CEACAM16: variants seen among roughly 807,000 people sequenced by gnomAD.
The protein encoded by CEACAM16 is CEA cell adhesion molecule 16, tectorial membrane component, also known as cell adhesion molecule CEACAM16.
In CEACAM16, 30 loss-of-function variants were observed where a neutral mutation model predicts 39.4. The ratio of observed to expected loss-of-function variants is 0.76; its 90% CI spans 0.57 to 1.03. The LOEUF is 1.03. Among genes scored for constraint, CEACAM16 ranks in the 50% least tolerant of loss-of-function variants. CEACAM16 has a pLI of 0.00. For synonymous variants in CEACAM16, 262 were observed against 264.9 expected, an observed-to-expected ratio of 0.99 and a Z score of 0.11; for missense variants, 521 against 585.3, an observed-to-expected ratio of 0.89 and a Z score of 1.13.
In CEACAM16 at chr19:44,710,481, C is replaced by G; in HGVS notation, c.1268-15C>G. Reference sequence around the variant, plus strand: ...TGACATCCTCCTTCGCCCCCTCGCCCCATATGCCCCACAGCCCTGGGGTAA... The same window carrying G: ...TGACATCCTCCTTCGCCCCCTCGCCGCATATGCCCCACAGCCCTGGGGTAA... On this transcript the variant is annotated splice_polypyrimidine_tract_variant and intron_variant, in intron 6 of 6. Transcript: ENST00000587331. 2 of 1,611,868 alleles carry G rather than the reference C, an allele frequency of 1.2e-6. No individual in the cohort carries two copies. Among genetic ancestry groups the G allele is most frequent in the Non-Finnish European group, 1.7e-6 (2 of 1,178,526 alleles).
At position 44,707,973 on chromosome 19, in the gene CEACAM16, C is replaced by T; in HGVS notation, c.1053C>T (p.Tyr351=). The part of the protein sequence containing the change: ...YPKDLLVYAW[Y]RGPASEPNRL... Reference sequence around the variant, plus strand: ...AGGACCTGCTGGTCTACGCCTGGTACCGCGGGCCTGCCTCCGAGCCCAACC... The same window carrying T: ...AGGACCTGCTGGTCTACGCCTGGTATCGCGGGCCTGCCTCCGAGCCCAACC... Residue 351 remains tyrosine (Y), a synonymous_variant, in exon 6 of 7, where the codon TAC becomes TAT. Coordinates refer to ENST00000587331, the MANE Select transcript of CEACAM16 (RefSeq NM_001039213.4). 6.2e-7 allele frequency: 1 copy of T among 1,604,200 alleles called. No homozygotes were observed. Among genetic ancestry groups the T allele is most frequent in the Non-Finnish European group, 8.5e-7 (1 of 1,175,932 alleles).
In CEACAM16 at chr19:44,705,736, G is replaced by C; in HGVS notation, c.808G>C (p.Ala270Pro). The change falls in exon 5 of 7, where the codon GCC becomes CCC. Residue 270 changes from alanine (A) to proline (P), a missense_variant. By Grantham distance (27) the Ala-to-Pro change is conservative (BLOSUM62 -1). Coordinates refer to ENST00000587331, the MANE Select transcript of CEACAM16 (RefSeq NM_001039213.4). ...PEYVWTFNGQ[A>P]LKNGQDHLNI... is the part of the protein sequence containing the mutation. The stretch of plus-strand genomic sequence containing the variant: ...GTATGTGTGGACCTTCAACGGGCAG[G>C]CCCTAAAGAACGGCCAAGACCACCT... The C allele has an allele frequency of 6.2e-7, 1 of 1,613,992 alleles. No homozygotes were observed. Among genetic ancestry groups the C allele is most frequent in the Non-Finnish European group, 8.5e-7 (1 of 1,179,892 alleles).
Position 44,701,958 on chromosome 19 carries a change from G to A in CEACAM16, c.37+465G>A, listed in dbSNP as rs908451435. ...CATTATAAGCAGCACCACATATGCC[G>A]TGTGCCCGGAGCTGTTCTGAGAGCT... On this transcript the variant is annotated intron_variant, in intron 2 of 6. Coordinates refer to ENST00000587331, the MANE Select transcript of CEACAM16 (RefSeq NM_001039213.4). The surrounding 1 kb of genome is among the most constrained non-coding windows in gnomAD (Gnocchi z 4.0). Among the ~76,000 whole-genome samples the A allele has an allele frequency of 2.0e-5, 3 of 152,132 alleles. No individual in the cohort carries two copies.
chr19:44,705,732 G>A lies in CEACAM16; in HGVS notation c.804G>A (p.Gly268=). The part of the protein sequence containing the change: ...PEPEYVWTFN[G]QALKNGQDHL... The stretch of plus-strand genomic sequence containing the variant: ...CCGAGTATGTGTGGACCTTCAACGG[G>A]CAGGCCCTAAAGAACGGCCAAGACC... Residue 268 remains glycine (G), a synonymous_variant, in exon 5 of 7, where the codon GGG becomes GGA. Transcript: ENST00000587331. 6.2e-7 allele frequency: 1 copy of A among 1,613,996 alleles called. No homozygotes were observed.
intron 6 of CEACAM16, among the ~76,000 whole-genome samples, chr19:44,709,374 C>T (rs376053463): frequency 6.7e-6 from 1 of 150,230 alleles, no homozygotes; most frequent in Non-Finnish European, 1.5e-5. Flanking sequence ...AGACTGGGAG[C>T]TCCCAGAGTC....
chr19:44,708,156 T>C lies in CEACAM16; in HGVS notation c.1236T>C (p.Thr412=). The change falls in exon 6 of 7, where the codon ACT becomes ACC. Residue 412 remains threonine (T), a synonymous_variant. Coordinates refer to ENST00000587331, the MANE Select transcript of CEACAM16 (RefSeq NM_001039213.4). ...AGACTGTCACAGTGCAGGGCAAGAC[T>C]GAGACACTGGAAGTGGAGCTGCAGG... The part of the protein sequence containing the change: ...TLKTVTVQGK[T]ETLEVELQVA... 1.3e-6 allele frequency: 2 copies of C among 1,584,050 alleles called. No individual in the cohort carries two copies. Among genetic ancestry groups the C allele is most frequent in the Non-Finnish European group, 1.7e-6 (2 of 1,158,816 alleles).
intron 4 of CEACAM16, 120 bp from the exon 5 acceptor site, chr19:44,705,470 T>G (rs1255172273): frequency 9.9e-7 from 1 of 1,011,964 alleles, no homozygotes; most frequent in Non-Finnish European, 1.4e-6. Context: ...GAGCTTTTTT[T>G]CCCCTCCACT....
intron 3 of CEACAM16, 37 bp downstream of exon 3, chr19:44,703,730 G>A: frequency 1.4e-6 from 2 of 1,404,890 alleles, no homozygotes; most frequent in South Asian, 1.6e-5. Context: ...TGCCCCAGCT[G>A]GGCCTTCCCA....
At chr19:44,707,505 C>G (rs1386994135) in intron 5 of CEACAM16, among the ~76,000 whole-genome samples, 1 of 151,838 alleles carries the variant, frequency 6.6e-6, no homozygotes, top group South Asian at 2.1e-4. Flanking sequence ...AGACATGGTC[C>G]CCATTTTCTG....
chr19:44,703,258 G>A (rs1256513990), intron 2 of CEACAM16, 91 bp from the exon 3 acceptor site: 4 of 1,188,258 alleles, frequency 3.4e-6, no homozygotes, highest in African/African-American at 1.5e-5. Context: ...ACTGGGCTGG[G>A]GACATGCCCC....
chr19:44,703,714 C>T lies in CEACAM16; in HGVS notation c.382+21C>T, dbSNP rs73568061. 4.0e-4 allele frequency: 580 copies of T among 1,454,734 alleles called. No individual in the cohort carries two copies. Among genetic ancestry groups the T allele is most frequent in the African/African-American group, 3.4e-3 (242 of 70,600 alleles). The allele number at this position is 1,454,734 out of a possible 1,614,324, so 90.1% of individuals were successfully genotyped here. On this transcript the variant is annotated intron_variant, in intron 3 of 6. Coordinates refer to ENST00000587331, the MANE Select transcript of CEACAM16 (RefSeq NM_001039213.4). ...CCATGGTGAGACACCCCCCAACACCCGCCTCTGCCCCAGCTGGGCCTTCCC... is the reference window on the plus strand; with the variant it reads ...CCATGGTGAGACACCCCCCAACACCTGCCTCTGCCCCAGCTGGGCCTTCCC...
At chr19:44,706,416 C>A (rs1188055011) in intron 5 of CEACAM16, among the ~76,000 whole-genome samples, 1 of 152,178 alleles carries the variant, frequency 6.6e-6, no homozygotes. Flanking sequence ...GCAGTGCAGG[C>A]AGCTGGCATT....
In CEACAM16 at chr19:44,701,455, A is replaced by C. The variant is rs1304395383; in HGVS notation, c.-2A>C. 20 of 1,563,740 alleles carry C rather than the reference A, an allele frequency of 1.3e-5. No individual in the cohort carries two copies. The highest frequency in any genetic ancestry group is 1.7e-5 in the Non-Finnish European group (20 of 1,153,564). Reference sequence around the variant, plus strand: ...TCTCCAAGACTCGGTTTGGGGTGAAAGATGGCGCTGACTGGGTACAGCTGG... The same window carrying C: ...TCTCCAAGACTCGGTTTGGGGTGAACGATGGCGCTGACTGGGTACAGCTGG... On this transcript the variant is annotated 5_prime_UTR_variant, in exon 2 of 7. Coordinates refer to ENST00000587331, the MANE Select transcript of CEACAM16 (RefSeq NM_001039213.4). This position sits in a 1 kb window ranked among gnomAD's most constrained non-coding sequence, Gnocchi z 4.0.
intron 6 of CEACAM16, among the ~76,000 whole-genome samples, chr19:44,710,285 A>G (rs571385211): frequency 1.3e-5 from 2 of 152,156 alleles, no homozygotes; most frequent in South Asian, 4.2e-4. Flanking sequence ...CTTTTCACCC[A>G]TTCTCTCTTC....
At chr19:44,705,542 C>T (rs760737519) in intron 4 of CEACAM16, 48 bp from the exon 5 acceptor site, 1 of 1,536,654 alleles carries the variant, frequency 6.5e-7, no homozygotes, top group South Asian at 1.3e-5. Context: ...CCAACCTCCA[C>T]TCCTCCTTCC....
At chr19:44,705,535 ACCTCCACTCC>A in intron 4 of CEACAM16, 45 bp from the exon 5 acceptor site, 1 of 1,515,626 alleles carries the variant, frequency 6.6e-7, no homozygotes, top group Non-Finnish European at 8.9e-7. Flanking sequence ...AGGGGTACCA[ACCTCCACTCC>A]TCCTTCCCTC....
rs1288401161 is a variant in CEACAM16 at position 44,701,749 on chromosome 19, G to A, written c.37+256G>A. Among the ~76,000 whole-genome samples, 1 of 152,244 alleles carries A rather than the reference G, an allele frequency of 6.6e-6. No homozygotes were observed. The highest frequency in any genetic ancestry group is 1.9e-4 in the East Asian group (1 of 5,202). On this transcript the variant is annotated intron_variant, in intron 2 of 6. Coordinates refer to ENST00000587331, the MANE Select transcript of CEACAM16 (RefSeq NM_001039213.4). The surrounding 1 kb of genome is among the most constrained non-coding windows in gnomAD (Gnocchi z 4.0). The stretch of plus-strand genomic sequence containing the variant: ...CCAGGGCACAAGCCAGGACAAGGGA[G>A]CCGCTGTTGCTCCTTCATTCCTGCA...
chr19:44,708,186 C>T lies in CEACAM16; in HGVS notation c.1266C>T (p.Ala422=). ...TETLEVELQV[A]PLG ...CACTGGAAGTGGAGCTGCAGGTGGCCCGTGAGTGTGTGGGAAGGGGCAAGG... is the reference window on the plus strand; with the variant it reads ...CACTGGAAGTGGAGCTGCAGGTGGCTCGTGAGTGTGTGGGAAGGGGCAAGG... The change falls in exon 6 of 7, where the codon GCC becomes GCT. Residue 422 remains alanine, a splice_region_variant and synonymous_variant. Coordinates refer to ENST00000587331, the MANE Select transcript of CEACAM16 (RefSeq NM_001039213.4). The T allele has an allele frequency of 6.4e-7, 1 of 1,563,010 alleles. No homozygotes were observed.
rs1469829359 is a variant in CEACAM16 at position 44,706,642 on chromosome 19, G to A, written c.940+774G>A. Among the ~76,000 whole-genome samples the A allele has an allele frequency of 3.3e-5, 5 of 152,184 alleles. No homozygotes were observed. The East Asian group carries it at 9.6e-4, about 29-fold the overall frequency. On this transcript the variant is annotated intron_variant, in intron 5 of 6. Coordinates refer to ENST00000587331, the MANE Select transcript of CEACAM16 (RefSeq NM_001039213.4). The stretch of plus-strand genomic sequence containing the variant: ...CAAAGCAGAAATGGCATCCCCAGAG[G>A]TAAGTGTGACTCCCGCTCCACTCAT...
Sources: gnomAD v4.1 joint callset for allele counts (sites outside exome capture counted in the v4.1 genomes callset) on GRCh38, gnomAD v4.1.1 for gene constraint, Gnocchi (gnomAD v3.1) non-coding constraint, MANE v1.5 for transcripts, NCBI Gene and HGNC (gene_info 2026-07-23, HGNC 2026-07-21) for gene names.